The following MMP25 variants were observed in gnomAD, a reference collection of about 807,000 sequenced individuals.
MMP25 encodes matrix metalloproteinase-25.
Under a neutral mutation model 62.1 loss-of-function variants are expected in MMP25, and 68 were observed. The observed-to-expected ratio is 1.10, with a 90% confidence interval of 0.90 to 1.34. MMP25 has a LOEUF of 1.34. MMP25 is among the 40% of genes most tolerant of loss of function. The pLI is 0.00. For synonymous variants in MMP25, 407 were observed against 345.6 expected (o/e 1.18, Z -1.97); for missense variants, 942 against 792.5 (o/e 1.19, Z -2.26).
rs752362899 is a variant in MMP25 at position 3,050,095 on chromosome 16, C to T, written c.319C>T (p.Arg107Trp). 6.7e-5 allele frequency: 108 copies of T among 1,611,268 alleles called. No homozygotes were observed. Among genetic ancestry groups the T allele is most frequent in the Middle Eastern group, 1.6e-4 (1 of 6,082 alleles). Residue 107 changes from arginine to tryptophan, a missense_variant, in exon 3 of 10, where the codon CGG becomes TGG. Arg to Trp is a moderately radical substitution (Grantham distance 101). Transcript: ENST00000336577. ...GVAGLVRRRRRYALSGSVWKK... is the reference protein window; with the variant it reads ...GVAGLVRRRRWYALSGSVWKK... ...GGCGGGGCTGGTCAGGCGGCGTCGC[C>T]GGTACGCTCTGAGCGGCAGCGTGTG...
chr16:3,047,032 G>C lies in MMP25; in HGVS notation c.99+16G>C, dbSNP rs754195874. The stretch of plus-strand genomic sequence containing the variant: ...CCTGGGCGTGGTGAGCGCGGGGTCC[G>C]CAGGCTCCTGGGGTCTGCAGAGAGA... On this transcript the variant is annotated intron_variant, in intron 1 of 9. Coordinates refer to ENST00000336577, the MANE Select transcript of MMP25 (RefSeq NM_022468.5). 1.4e-6 allele frequency: 2 copies of C among 1,426,804 alleles called. No individual in the cohort carries two copies. The highest frequency in any genetic ancestry group is 1.8e-6 in the Non-Finnish European group (2 of 1,098,198). 88.4% of individuals were successfully genotyped at this position (1,426,804 alleles called of 1,614,324 possible).
At chr16:3,050,190 C>T in intron 3 of MMP25, 46 bp downstream of exon 3, 1 of 1,580,598 alleles carries the variant, frequency 6.3e-7, no homozygotes, top group South Asian at 1.1e-5. Context: ...CTGCTGGGCT[C>T]CGGCTTTGAA....
At chr16:3,048,354 C>G (rs1473272520) in intron 2 of MMP25, among the ~76,000 whole-genome samples, 1 of 152,208 alleles carries the variant, frequency 6.6e-6, no homozygotes, top group Non-Finnish European at 1.5e-5. Context: ...GCCCTTTCAG[C>G]TCCAATGGTA....
chr16:3,047,420 G>A lies in MMP25; in HGVS notation c.105G>A (p.Trp35Ter), dbSNP rs1330804976. The A allele has an allele frequency of 1.2e-6, 2 of 1,612,964 alleles. No individual in the cohort carries two copies. Among genetic ancestry groups the A allele is most frequent in the Non-Finnish European group, 1.7e-6 (2 of 1,179,550 alleles). ...TGCCCCCTCCGATGCCCTAGGACTG[G>A]CTGACTCGCTATGGTTACCTGCCGC... The part of the protein sequence containing the change: ...SAQDVSLGVD[W>*]LTRYGYLPPP... The change falls in exon 2 of 10, where the codon TGG becomes TGA. Residue 35 changes from tryptophan to a stop codon, truncating the protein, a stop_gained. Coordinates refer to ENST00000336577, the MANE Select transcript of MMP25 (RefSeq NM_022468.5). LOFTEE classifies it high-confidence loss of function.
At position 3,057,123 on chromosome 16, in the gene MMP25, T is replaced by G; in HGVS notation, c.752T>G (p.Met251Arg). Residue 251 changes from methionine to arginine, a missense_variant, in exon 5 of 10, where the codon ATG becomes AGG. Physicochemically the swap from Met to Arg is moderately conservative, Grantham distance 91. Transcript: ENST00000336577. ...LGHSSAPNSI[M>R]RPFYQGPVGD... ...CACTCCTCAGCCCCCAACTCCATTA[T>G]GAGGCCCTTCTACCAGGGTCCGGTG... The G allele has an allele frequency of 1.2e-6, 2 of 1,613,544 alleles. No homozygotes were observed. Among genetic ancestry groups the G allele is most frequent in the Non-Finnish European group, 1.7e-6 (2 of 1,179,822 alleles).
In MMP25 at chr16:3,046,782, C is replaced by T. The variant is rs904732862; in HGVS notation, c.-136C>T. On this transcript the variant is annotated 5_prime_UTR_variant, in exon 1 of 10. Coordinates refer to ENST00000336577, the MANE Select transcript of MMP25 (RefSeq NM_022468.5). Reference sequence around the variant, plus strand: ...CGGGACCCCCACACACATCCCAGCCCTCCGGCCGATCCCTCCCTACTCGGT... The same window carrying T: ...CGGGACCCCCACACACATCCCAGCCTTCCGGCCGATCCCTCCCTACTCGGT... The T allele has an allele frequency of 6.2e-6, 3 of 483,294 alleles. No homozygotes were observed. Among genetic ancestry groups the T allele is most frequent in the Non-Finnish European group, 1.1e-5 (3 of 281,244 alleles). The allele number at this position is 483,294 out of a possible 1,614,324, so 29.9% of individuals were successfully genotyped here.
rs1956021908 is a variant in MMP25 at position 3,057,030 on chromosome 16, C to G, written c.662-3C>G. ...CGCAGCTCTCACCCACTTTCTCCTG[C>G]AGACGGCGAGGGGACCGACCTGTTT... On this transcript the variant is annotated splice_region_variant and splice_polypyrimidine_tract_variant and intron_variant, in intron 4 of 9. Coordinates refer to ENST00000336577, the MANE Select transcript of MMP25 (RefSeq NM_022468.5). 1 of 1,561,124 alleles carries G rather than the reference C, an allele frequency of 6.4e-7. No homozygotes were observed. The highest frequency in any genetic ancestry group is 1.9e-5 in the Admixed American group (1 of 53,442).
At chr16:3,056,922 C>G in intron 4 of MMP25, 111 bp from the exon 5 acceptor site, 5 of 1,218,828 alleles carry the variant, frequency 4.1e-6, no homozygotes, top group Non-Finnish European at 5.6e-6. Flanking sequence ...GGGGCCACCT[C>G]TGGAGGGTGT....
At chr16:3,055,296 C>T (rs538819039) in intron 4 of MMP25, among the ~76,000 whole-genome samples, 5 of 152,068 alleles carry the variant, frequency 3.3e-5, no homozygotes, top group South Asian at 4.2e-4. Context: ...GTGCAGGGCC[C>T]GGAAGCCCAG....
rs774842752 is a variant in MMP25 at position 3,057,115 on chromosome 16, C to G, written c.744C>G (p.Asn248Lys). Residue 248 changes from asparagine (N) to lysine (K), a missense_variant, in exon 5 of 10, where the codon AAC becomes AAG. Coordinates refer to ENST00000336577, the MANE Select transcript of MMP25 (RefSeq NM_022468.5). ...ALGLGHSSAP[N>K]SIMRPFYQGP... Reference sequence around the variant, plus strand: ...GCCTGGGCCACTCCTCAGCCCCCAACTCCATTATGAGGCCCTTCTACCAGG... The same window carrying G: ...GCCTGGGCCACTCCTCAGCCCCCAAGTCCATTATGAGGCCCTTCTACCAGG... 1.9e-6 allele frequency: 3 copies of G among 1,613,498 alleles called. No homozygotes were observed. The South Asian group carries it at 3.3e-5, about 18-fold the overall frequency.
In MMP25 at chr16:3,057,106, A is replaced by G; in HGVS notation, c.735A>G (p.Ser245=). Residue 245 remains serine (S), a synonymous_variant, in exon 5 of 10, where the codon TCA becomes TCG. Transcript: ENST00000336577. ...FGHALGLGHS[S]APNSIMRPFY... The stretch of plus-strand genomic sequence containing the variant: ...ACGCCCTGGGCCTGGGCCACTCCTC[A>G]GCCCCCAACTCCATTATGAGGCCCT... 1.2e-6 allele frequency: 2 copies of G among 1,613,158 alleles called. No individual in the cohort carries two copies. Among genetic ancestry groups the G allele is most frequent in the South Asian group, 1.1e-5 (1 of 90,922 alleles).
Position 3,058,403 on chromosome 16 carries a change from A to G in MMP25, c.1160-9A>G, listed in dbSNP as rs7359440. On this transcript the variant is annotated splice_polypyrimidine_tract_variant and intron_variant, in intron 8 of 9. Coordinates refer to ENST00000336577, the MANE Select transcript of MMP25 (RefSeq NM_022468.5). The stretch of plus-strand genomic sequence containing the variant: ...GCCCACCCCTGACCTCCCGGCCTCC[A>G]CCCTGCAGGGCCCCAGTTCTGGGTG... The G allele has an allele frequency of 0.11, 161,506 of 1,530,034 alleles. 10,701 individuals carry two copies. Among genetic ancestry groups the G allele is most frequent in the African/African-American group, 0.3 (21,300 of 71,458 alleles). 94.8% of individuals were successfully genotyped at this position (1,530,034 alleles called of 1,614,324 possible). A position where few individuals can be genotyped will look rare whatever the true frequency, so the allele number is the denominator to read the frequency against.
At position 3,059,143 on chromosome 16, in the gene MMP25, C is replaced by T. The variant is rs1477173937; in HGVS notation, c.*45C>T. The T allele has an allele frequency of 3.4e-6, 5 of 1,477,872 alleles. No homozygotes were observed. Among genetic ancestry groups the T allele is most frequent in the East Asian group, 2.5e-5 (1 of 39,972 alleles). The allele number at this position is 1,477,872 out of a possible 1,614,324, so 91.5% of individuals were successfully genotyped here. ...CGAACAGCGCCCTCCACGGCCGAGT[C>T]CCCCGCCGCTGGACCTGGTCGGGGG... On this transcript the variant is annotated 3_prime_UTR_variant, in exon 10 of 10. Transcript: ENST00000336577.
chr16:3,058,736 A>C, intron 9 of MMP25, 67 bp downstream of exon 9: 1 of 1,526,978 alleles, frequency 6.5e-7, no homozygotes, highest in Non-Finnish European at 8.8e-7. Flanking sequence ...GGGAATGGGG[A>C]CATGGAGGCC....
chr16:3,053,777 C>A (rs28621012), intron 4 of MMP25: 3 of 151,994 alleles, frequency 2.0e-5, no homozygotes, highest in African/African-American at 7.3e-5. Flanking sequence ...AAGTGGTCAG[C>A]TGTGGCTGGG....
chr16:3,051,675 G>A (rs998828132), intron 4 of MMP25: 1 of 152,162 alleles, frequency 6.6e-6, no homozygotes, highest in African/African-American at 2.4e-5. Context: ...AGCTGAGTCA[G>A]AAGAGTGACT....
rs1955822890 is a variant in MMP25, at chr16:3,046,600, G to C, written c.-318G>C. On this transcript the variant is annotated 5_prime_UTR_variant, in exon 1 of 10. Transcript: ENST00000336577. The stretch of plus-strand genomic sequence containing the variant: ...TCGCGCCCGGAGAGGAGGGGCCGCT[G>C]GCGCAGCGCCCCGGGACCCCGAGAG... The C allele has an allele frequency of 5.1e-6, 1 of 197,196 alleles. No homozygotes were observed. The allele number at this position is 197,196 out of a possible 1,614,324, so 12.2% of individuals were successfully genotyped here.
In MMP25 at chr16:3,058,170, G is replaced by C. The variant is rs757429678; in HGVS notation, c.1007-11G>C. 57 of 1,610,990 alleles carry C rather than the reference G, an allele frequency of 3.5e-5. No homozygotes were observed. The highest frequency in any genetic ancestry group is 4.7e-5 in the Non-Finnish European group (55 of 1,178,892). On this transcript the variant is annotated splice_polypyrimidine_tract_variant and intron_variant, in intron 7 of 9. Transcript: ENST00000336577. ...CTCATGCCTTCCTGCGAACCCCTTT[G>C]TCCCCTGCAGGCCCCTGGTTCTGGC...
rs768225205 is a variant in MMP25 at position 3,058,458 on chromosome 16, G to A, written c.1206G>A (p.Ala402=). 2 of 1,595,558 alleles carry A rather than the reference G, an allele frequency of 1.3e-6. No homozygotes were observed. The highest frequency in any genetic ancestry group is 1.7e-6 in the Non-Finnish European group (2 of 1,171,992). Residue 402 remains alanine (A), a synonymous_variant, in exon 9 of 10, where the codon GCG becomes GCA. Transcript: ENST00000336577. ...AGGACCGGCAGCTGGAGGGCGGGGC[G>A]CGGCCGCTCACGGAGCTGGGGCTGC... is the stretch of plus-strand genomic sequence containing the variant. ...VFQDRQLEGG[A]RPLTELGLPP...
Sources: gnomAD v4.1 joint callset for allele counts (sites outside exome capture counted in the v4.1 genomes callset) on GRCh38, gnomAD v4.1.1 for gene constraint, MANE v1.5 for transcripts, NCBI Gene and HGNC (gene_info 2026-07-23, HGNC 2026-07-21) for gene names.